SLC5A3: variants seen among roughly 807,000 people sequenced by gnomAD.
The protein encoded by SLC5A3 is sodium/myo-inositol cotransporter.
SLC5A3 carries 10 observed loss-of-function variants against 43.2 expected under a neutral mutation model. The ratio of observed to expected loss-of-function variants is 0.23; its 90% CI spans 0.14 to 0.39. The LOEUF (loss-of-function observed/expected upper bound fraction) is 0.39, where lower values mean the gene tolerates loss of function less well. SLC5A3 is among the 10% of genes least tolerant of loss of function. The pLI, the probability that SLC5A3 is intolerant of heterozygous loss-of-function variation, is 1.00. For missense variants in SLC5A3, 608 were observed against 893.4 expected, an observed-to-expected ratio of 0.68 and a Z score of 4.07; for synonymous variants, 349 against 322.0, an observed-to-expected ratio of 1.08 and a Z score of -0.90.
At chr21:34,076,586 TAAG>T (rs1208252711) in intron 1 of SLC5A3, among the ~76,000 whole-genome samples, 2 of 152,242 alleles carry the variant, frequency 1.3e-5, no homozygotes, top group African/African-American at 4.8e-5. Context: ...CTAGTGTTTC[TAAG>T]AAGAAATTTA....
chr21:34,073,854 C>G lies in SLC5A3; in HGVS notation c.-337+109C>G, dbSNP rs886203957. 6 of 605,484 alleles carry G rather than the reference C, an allele frequency of 9.9e-6. No individual in the cohort carries two copies. The African/African-American group carries it at 1.2e-4, about 12-fold the overall frequency. The allele number at this position is 605,484 out of a possible 1,614,324, so 37.5% of individuals were successfully genotyped here. ...GCGGGACCCCGGGCCTTCCTGCACT[C>G]CTCGGAGGAGGCCGGGGCGGCGGGC... is the stretch of plus-strand genomic sequence containing the variant. On this transcript the variant is annotated intron_variant, in intron 1 of 1. Transcript: ENST00000381151.
chr21:34,093,068 A>G (rs1319604769), intron 1 of SLC5A3, among the ~76,000 whole-genome samples: 2 of 152,208 alleles, frequency 1.3e-5, no homozygotes, highest in African/African-American at 2.4e-5. Flanking sequence ...AATAATGTTT[A>G]CTAGTCATCT....
Position 34,104,223 on chromosome 21 carries a change from G to A in SLC5A3, c.*6868G>A, listed in dbSNP as rs115543543. The A allele has an allele frequency of 4.6e-4, 456 of 999,984 alleles. 1 individual carries two copies. The African/African-American group carries it at 7.3e-3, about 16-fold the overall frequency. The allele number at this position is 999,984 out of a possible 1,614,324, so 61.9% of individuals were successfully genotyped here. On this transcript the variant is annotated 3_prime_UTR_variant, in exon 2 of 2. Transcript: ENST00000381151. ...TAATTCTGAAGCATATTTGCTAGAG[G>A]AGCTACTTTGCTTTTCACAATGGGG... is the stretch of plus-strand genomic sequence containing the variant.
In SLC5A3 at chr21:34,081,220, A is replaced by T. The variant is rs369446914; in HGVS notation, c.-337+7475A>T. ...ATGAAGCTGAAACTGGAAATTGTAG[A>T]TAATGCCATCTGTAGATGTCGCTTA... On this transcript the variant is annotated intron_variant, in intron 1 of 1. Transcript: ENST00000381151. Among the ~76,000 whole-genome samples the T allele has an allele frequency of 3.1e-4, 47 of 152,218 alleles. No homozygotes were observed. The East Asian group carries it at 5.2e-3, about 17-fold the overall frequency.
At chr21:34,088,055 C>A (rs1978487095) in intron 1 of SLC5A3, among the ~76,000 whole-genome samples, 1 of 152,178 alleles carries the variant, frequency 6.6e-6, no homozygotes, top group Non-Finnish European at 1.5e-5. Context: ...TACCCCGGAA[C>A]AACAGGCAAC....
At chr21:34,075,465 C>G (rs934620240) in intron 1 of SLC5A3, among the ~76,000 whole-genome samples, 4 of 152,024 alleles carry the variant, frequency 2.6e-5, no homozygotes, top group South Asian at 2.1e-4. Context: ...ATTTTTCACT[C>G]TAGTTCAGAT....
rs538481081 is a variant in SLC5A3 at position 34,099,344 on chromosome 21, T to C, written c.*1989T>C. On this transcript the variant is annotated 3_prime_UTR_variant, in exon 2 of 2. Transcript: ENST00000381151. ...AGAAACCAGGTCTCCAAATCTGGAC[T>C]CATGGTTTGTTCAGATGTGTCTGGA... 1.6e-5 allele frequency: 16 copies of C among 1,000,274 alleles called. No individual in the cohort carries two copies. In the African/African-American group the frequency reaches 2.8e-4, roughly 17 times the overall value. 62.0% of individuals were successfully genotyped at this position (1,000,274 alleles called of 1,614,324 possible).
chr21:34,086,604 A>G (rs1978396716), intron 1 of SLC5A3, among the ~76,000 whole-genome samples: 1 of 151,748 alleles, frequency 6.6e-6, no homozygotes, highest in Non-Finnish European at 1.5e-5. Context: ...TTCAGAAAGG[A>G]TGTTCATGAA....
Position 34,096,349 on chromosome 21 carries a change from A to G in SLC5A3, c.1151A>G (p.Asn384Ser), listed in dbSNP as rs1378573592. 2 of 1,614,048 alleles carry G rather than the reference A, an allele frequency of 1.2e-6. No individual in the cohort carries two copies. Among genetic ancestry groups the G allele is most frequent in the Non-Finnish European group, 1.7e-6 (2 of 1,180,022 alleles). Residue 384 changes from asparagine to serine, a missense_variant, in exon 2 of 2, where the codon AAC (asparagine) becomes AGC (serine). By Grantham distance (46) the Asn-to-Ser change is conservative. Coordinates refer to ENST00000381151, the MANE Select transcript of SLC5A3 (RefSeq NM_006933.7). The surrounding 1 kb of genome is among the most constrained non-coding windows in gnomAD (Gnocchi z 5.9). ...ALMSDLDSIF[N>S]SASTIFTLDV... ...ATGAGTGACTTAGACTCTATCTTTA[A>G]CAGTGCCAGTACCATATTCACCCTC...
chr21:34,095,238 G>A lies in SLC5A3; in HGVS notation c.40G>A (p.Ala14Thr), dbSNP rs142553674. Reference sequence around the variant, plus strand: ...GGACACAGCAGACATTGCCATAGTGGCCCTGTATTTTATCCTGGTCATGTG... The same window carrying A: ...GGACACAGCAGACATTGCCATAGTGACCCTGTATTTTATCCTGGTCATGTG... ...VLDTADIAIV[A>T]LYFILVMCIG... Residue 14 changes from alanine to threonine, a missense_variant, in exon 2 of 2, where the codon GCC (alanine) becomes ACC (threonine). Ala to Thr is a moderately conservative substitution (Grantham distance 58). This residue lies in a region of SLC5A3 where 398 missense variants were observed against 668.6 expected (regional missense o/e 0.60). Coordinates refer to ENST00000381151, the MANE Select transcript of SLC5A3 (RefSeq NM_006933.7). The A allele has an allele frequency of 7.4e-6, 12 of 1,613,680 alleles. No individual in the cohort carries two copies. The African/African-American group carries it at 1.2e-4, about 16-fold the overall frequency.
At chr21:34,085,783 T>C (rs1425436211) in intron 1 of SLC5A3, among the ~76,000 whole-genome samples, 2 of 152,082 alleles carry the variant, frequency 1.3e-5, no homozygotes, top group African/African-American at 4.8e-5. Flanking sequence ...TTTGTAGTTT[T>C]AGTAGAGACG....
At chr21:34,082,531 T>C (rs1989482361) in intron 1 of SLC5A3, among the ~76,000 whole-genome samples, 1 of 151,634 alleles carries the variant, frequency 6.6e-6, no homozygotes, top group Non-Finnish European at 1.5e-5. Context: ...GCCTAGAAAA[T>C]ATTTTTTTTT....
In SLC5A3 at chr21:34,096,810, A is replaced by G; in HGVS notation, c.1612A>G (p.Lys538Glu). Reference protein sequence around the residue: ...IVSLLTPPPTKEQIRTTTFWS... With the variant: ...IVSLLTPPPTEEQIRTTTFWS... ...GAGCCTTCTCACACCACCTCCCACA[A>G]AGGAACAGATTCGAACCACCACCTT... The change falls in exon 2 of 2, where the codon AAG becomes GAG. Residue 538 changes from lysine to glutamate, a missense_variant. Physicochemically the swap from Lys to Glu is moderately conservative, Grantham distance 56 (BLOSUM62 1). Coordinates refer to ENST00000381151, the MANE Select transcript of SLC5A3 (RefSeq NM_006933.7). This position sits in a 1 kb window ranked among gnomAD's most constrained non-coding sequence, Gnocchi z 5.9. The G allele has an allele frequency of 6.2e-7, 1 of 1,614,014 alleles. No homozygotes were observed. The highest frequency in any genetic ancestry group is 8.5e-7 in the Non-Finnish European group (1 of 1,179,968).
At chr21:34,089,435 T>A (rs9984163) in intron 1 of SLC5A3, among the ~76,000 whole-genome samples, 1 of 151,902 alleles carries the variant, frequency 6.6e-6, no homozygotes, top group East Asian at 1.9e-4. Context: ...ATAGTTGTTC[T>A]TCCCTCCCTG....
rs1602931793 is a variant in SLC5A3, at chr21:34,097,611, A to G, written c.*256A>G. ...TTTAAATTTTGCATACCAAAGTAAG[A>G]AGAGACCAATTATTCTCACAGAGCA... On this transcript the variant is annotated 3_prime_UTR_variant, in exon 2 of 2. Coordinates refer to ENST00000381151, the MANE Select transcript of SLC5A3 (RefSeq NM_006933.7). The G allele has an allele frequency of 8.3e-7, 1 of 1,207,736 alleles. No homozygotes were observed. Among genetic ancestry groups the G allele is most frequent in the Non-Finnish European group, 1.0e-6 (1 of 961,244 alleles). 74.8% of individuals were successfully genotyped at this position (1,207,736 alleles called of 1,614,324 possible).
intron 1 of SLC5A3, among the ~76,000 whole-genome samples, chr21:34,083,847 T>G (rs1430615460): frequency 6.6e-6 from 1 of 152,204 alleles, no homozygotes; most frequent in Non-Finnish European, 1.5e-5. Context: ...GTCACTGTCT[T>G]GAGTATTTTA....
At chr21:34,081,488 A>T (rs948726906) in intron 1 of SLC5A3, among the ~76,000 whole-genome samples, 1 of 152,222 alleles carries the variant, frequency 6.6e-6, no homozygotes, top group African/African-American at 2.4e-5. Flanking sequence ...ATAAATGAGT[A>T]GAAAAACCTT....
At chr21:34,077,293 T>G (rs1989355887) in intron 1 of SLC5A3, among the ~76,000 whole-genome samples, 1 of 152,200 alleles carries the variant, frequency 6.6e-6, no homozygotes, top group African/African-American at 2.4e-5. Context: ...TGTAGACACT[T>G]TTTATGCCTT....
chr21:34,087,780 A>G (rs1450300024), intron 1 of SLC5A3, among the ~76,000 whole-genome samples: 1 of 152,224 alleles, frequency 6.6e-6, no homozygotes, highest in East Asian at 1.9e-4. Flanking sequence ...AGAAGCATGG[A>G]GACAAGAGGC....
Sources: allele counts gnomAD v4.1 joint callset (sites outside exome capture counted in the v4.1 genomes callset), GRCh38; gene constraint gnomAD v4.1.1; regional missense constraint gnomAD v4.1.1; non-coding constraint Gnocchi (gnomAD v3.1); transcripts MANE v1.5; gene names NCBI Gene and HGNC (gene_info 2026-07-23, HGNC 2026-07-21).